The following ASPH variants were observed in gnomAD, a reference collection of about 807,000 sequenced individuals.
ASPH encodes aspartate beta-hydroxylase, also known as aspartyl/asparaginyl beta-hydroxylase.
A neutral mutation model predicts 118.4 loss-of-function variants in ASPH; 100 were observed. The ratio of observed to expected loss-of-function variants is 0.84; its 90% CI spans 0.72 to 1.00. The LOEUF (loss-of-function observed/expected upper bound fraction) is 1.00. Among genes scored for constraint, ASPH ranks in the 50% least tolerant of loss-of-function variants. The pLI, the probability that ASPH is intolerant of heterozygous loss-of-function variation, is 0.00. For missense variants in ASPH, 920 were observed against 919.5 expected, an observed-to-expected ratio of 1.00 and a Z score of -0.01; for synonymous variants, 315 against 325.6, an observed-to-expected ratio of 0.97 and a Z score of 0.35.
chr8:61,670,963 C>T (rs192242596), intron 3 of ASPH, among the ~76,000 whole-genome samples: 1 of 152,026 alleles, frequency 6.6e-6, no homozygotes, highest in South Asian at 2.1e-4. Context: ...AGAATGACTG[C>T]TAACAAGGGA....
At chr8:61,586,059 C>T (rs1363927458) in intron 14 of ASPH, among the ~76,000 whole-genome samples, 1 of 152,130 alleles carries the variant, frequency 6.6e-6, no homozygotes, top group East Asian at 1.9e-4. Context: ...TTTACCTGGC[C>T]CTTTTGCAAC....
chr8:61,577,145 G>A (rs1835435375), intron 15 of ASPH, among the ~76,000 whole-genome samples: 1 of 151,854 alleles, frequency 6.6e-6, no homozygotes, highest in Non-Finnish European at 1.5e-5. Context: ...TTGGACACAG[G>A]GTGGGGAACA....
chr8:61,526,004 A>C lies in ASPH; in HGVS notation c.1873T>G (p.Trp625Gly). 1.2e-6 allele frequency: 2 copies of C among 1,614,040 alleles called. No individual in the cohort carries two copies. Among genetic ancestry groups the C allele is most frequent in the East Asian group, 4.5e-5 (2 of 44,868 alleles). ...EDENLREKGD[W>G]SQFTLWQQGR... ...TGCTGCCACAGCGTGAACTGGCTCC[A>C]GTCCCCTTTTTCCCTCAGGTTTTCA... Residue 625 changes from tryptophan (W) to glycine (G), a missense_variant, in exon 22 of 25, where the codon TGG becomes GGG. Coordinates refer to ENST00000379454, the MANE Select transcript of ASPH (RefSeq NM_004318.4).
At chr8:61,579,042 C>G (rs1374486247) in intron 15 of ASPH, 2 of 1,610,586 alleles carry the variant, frequency 1.2e-6, no homozygotes, top group East Asian at 4.5e-5. Flanking sequence ...CAACCAAAGA[C>G]GGGCTGAGGC....
intron 21 of ASPH, among the ~76,000 whole-genome samples, chr8:61,544,007 A>G (rs1286777185): frequency 6.6e-6 from 1 of 152,194 alleles, no homozygotes; most frequent in Non-Finnish European, 1.5e-5. Flanking sequence ...CTTTCCAGGT[A>G]GAAAGAGAGA....
intron 2 of ASPH, among the ~76,000 whole-genome samples, chr8:61,681,237 A>G (rs759055547): frequency 5.9e-5 from 9 of 151,818 alleles, no homozygotes; most frequent in African/African-American, 7.2e-5. Context: ...GAGTCAGGAA[A>G]TGTTCAGCTA....
chr8:61,621,326 AAAAAAAAAAG>A, intron 13 of ASPH, among the ~76,000 whole-genome samples: 1 of 80,742 alleles, frequency 1.2e-5, no homozygotes, highest in East Asian at 3.2e-4. Flanking sequence ...CTTGAGCAAA[AAAAAAAAAAG>A]AAAAGAAAAG....
At chr8:61,674,566 C>G (rs1039125843) in intron 3 of ASPH, among the ~76,000 whole-genome samples, 1 of 152,158 alleles carries the variant, frequency 6.6e-6, no homozygotes, top group East Asian at 1.9e-4. Flanking sequence ...AAAGTAGCTA[C>G]AGAATGTTTG....
At chr8:61,664,009 T>A in intron 3 of ASPH, 1 of 873,210 alleles carries the variant, frequency 1.1e-6, no homozygotes, top group Non-Finnish European at 1.4e-6. Context: ...AATAAAATCT[T>A]AGTGGTAGCA....
At chr8:61,703,799 A>G (rs1835830698) in intron 1 of ASPH, among the ~76,000 whole-genome samples, 1 of 152,122 alleles carries the variant, frequency 6.6e-6, no homozygotes. Context: ...TACACAAAGT[A>G]TCTACACTAT....
chr8:61,583,939 C>A lies in ASPH; in HGVS notation c.1062+5G>T. ...AAAACCATTGCACAAAAAATATCAACCTACCCTTTTACGGAGTTTTTCTGC... is the reference window on the plus strand; with the variant it reads ...AAAACCATTGCACAAAAAATATCAAACTACCCTTTTACGGAGTTTTTCTGC... On this transcript the variant is annotated splice_donor_5th_base_variant and intron_variant, in intron 15 of 24. Transcript: ENST00000379454. 1 of 1,558,366 alleles carries A rather than the reference C, an allele frequency of 6.4e-7. No individual in the cohort carries two copies. Among genetic ancestry groups the A allele is most frequent in the Non-Finnish European group, 8.7e-7 (1 of 1,145,218 alleles).
rs533919588 is a variant in ASPH at position 61,537,320 on chromosome 8, C to A, written c.1764+10751G>T. 2.1e-4 allele frequency among the ~76,000 whole-genome samples: 32 copies of A among 152,324 alleles called. No individual in the cohort carries two copies. The South Asian group carries it at 6.6e-3, about 32-fold the overall frequency. ...TGAAACTTTATGTGTATATAAGCAA[C>A]AAATTTCTTGACAAAGAGATAAACA... On this transcript the variant is annotated intron_variant, in intron 21 of 24. Transcript: ENST00000379454.
chr8:61,525,860 C>T, intron 22 of ASPH, 117 bp downstream of exon 22: 1 of 1,409,318 alleles, frequency 7.1e-7, no homozygotes, highest in Non-Finnish European at 9.6e-7. Flanking sequence ...TTTTTTTGGG[C>T]CCCTCGTTTA....
intron 24 of ASPH, among the ~76,000 whole-genome samples, chr8:61,513,777 AC>A (rs35594308): frequency 1.3e-5 from 2 of 151,304 alleles, no homozygotes; most frequent in Admixed American, 6.6e-5. Flanking sequence ...CTCATTCAAG[AC>A]CCCCCTCTGA....
intron 5 of ASPH, 102 bp from the exon 6 acceptor site, chr8:61,646,980 T>A: frequency 6.8e-7 from 1 of 1,479,428 alleles, no homozygotes; most frequent in Non-Finnish European, 9.3e-7. Flanking sequence ...GGGCTTCCCC[T>A]GCCCCTCCTT....
intron 24 of ASPH, among the ~76,000 whole-genome samples, chr8:61,509,374 T>C (rs1214063342): frequency 6.6e-6 from 1 of 152,228 alleles, no homozygotes; most frequent in Non-Finnish European, 1.5e-5. Flanking sequence ...AAGGAATGGA[T>C]TATTCATGTC....
rs140480449 is a variant in ASPH, at chr8:61,565,234, T to C, written c.1300+1934A>G. 5.4e-3 allele frequency among the ~76,000 whole-genome samples: 822 copies of C among 151,542 alleles called. 4 individuals are homozygous for C. The highest frequency in any genetic ancestry group is 9.7e-3 in the Admixed American group (148 of 15,180). ...AAAGTATTTGCAAATTTACTTCATG[T>C]TTTTTTTTCTAGCATTTTCCTTGAT... On this transcript the variant is annotated intron_variant, in intron 17 of 24. Transcript: ENST00000379454.
Position 61,555,639 on chromosome 8 carries a change from C to T in ASPH, c.1536+285G>A, listed in dbSNP as rs16927497. 0.57 allele frequency among the ~76,000 whole-genome samples: 87,123 copies of T among 152,118 alleles called. 27,508 individuals are homozygous for T. The highest frequency in any genetic ancestry group is 0.71 in the Non-Finnish European group (48,283 of 67,990). ...TTTAAAGTATCACTAATTTTGTCTG[C>T]CTTTGCCATTTATTTAAAAACTAAT... On this transcript the variant is annotated intron_variant, in intron 19 of 24. Coordinates refer to ENST00000379454, the MANE Select transcript of ASPH (RefSeq NM_004318.4).
chr8:61,629,531 T>C (rs967618946), intron 13 of ASPH, among the ~76,000 whole-genome samples: 1 of 151,140 alleles, frequency 6.6e-6, no homozygotes, highest in Non-Finnish European at 1.5e-5. Context: ...GTGATTGGCC[T>C]ATAATATCAG....
Sources: allele counts gnomAD v4.1 joint callset (sites outside exome capture counted in the v4.1 genomes callset), GRCh38; gene constraint gnomAD v4.1.1; transcripts MANE v1.5; gene names NCBI Gene and HGNC (gene_info 2026-07-23, HGNC 2026-07-21).